Variants in FRYL observed in about 807,000 individuals in gnomAD.
FRYL encodes the protein FRY like transcription coactivator.
In FRYL, 150 loss-of-function variants were observed where a neutral mutation model predicts 351.2. The ratio of observed to expected loss-of-function variants is 0.43; its 90% CI spans 0.37 to 0.49. FRYL has a LOEUF of 0.49. FRYL is among the 20% of genes least tolerant of loss of function. The pLI, the probability that FRYL is intolerant of heterozygous loss-of-function variation, is 0.00. For synonymous variants in FRYL, 1,153 were observed against 1,257.1 expected, an observed-to-expected ratio of 0.92 and a Z score of 1.75; for missense variants, 3,036 against 3,619.3, an observed-to-expected ratio of 0.84 and a Z score of 4.13.
intron 31 of FRYL, among the ~76,000 whole-genome samples, chr4:48,563,535 C>T (rs185273654): frequency 1.3e-4 from 19 of 151,964 alleles, no homozygotes; most frequent in African/African-American, 4.3e-4. Context: ...CGTAGTGAGA[C>T]CTCGTCGCTA....
chr4:48,507,267 C>T (rs1291194435), intron 59 of FRYL, among the ~76,000 whole-genome samples: 1 of 152,130 alleles, frequency 6.6e-6, no homozygotes, highest in Non-Finnish European at 1.5e-5. Context: ...GCACACTGGC[C>T]TGAGAGATAC....
chr4:48,499,914 T>C, intron 63 of FRYL, 116 bp downstream of exon 63: 2 of 835,922 alleles, frequency 2.4e-6, no homozygotes, highest in South Asian at 1.7e-5. Flanking sequence ...AAAATACTCA[T>C]GTTTTTCTTT....
intron 1 of FRYL, among the ~76,000 whole-genome samples, chr4:48,717,779 T>C (rs1769030460): frequency 1.3e-5 from 2 of 151,306 alleles, no homozygotes; most frequent in African/African-American, 2.4e-5. Context: ...TGGCCTCAAG[T>C]GTTCCTCCTC....
chr4:48,649,145 A>G (rs1757141560), intron 3 of FRYL, among the ~76,000 whole-genome samples: 1 of 152,246 alleles, frequency 6.6e-6, no homozygotes, highest in South Asian at 2.1e-4. Context: ...ATACTTCAAC[A>G]AATGGTATTA....
intron 11 of FRYL, among the ~76,000 whole-genome samples, chr4:48,605,123 C>T (rs1423383576): frequency 1.3e-5 from 2 of 152,084 alleles, no homozygotes; most frequent in African/African-American, 2.4e-5. Context: ...TGGGAGGAAA[C>T]GGGGGCTGTG....
chr4:48,534,450 C>G, intron 49 of FRYL, 95 bp downstream of exon 49: 4 of 933,086 alleles, frequency 4.3e-6, no homozygotes, highest in Non-Finnish European at 6.5e-6. Context: ...TGAACCACTT[C>G]CCCATTCTTC....
chr4:48,580,621 G>A (rs1740687063), intron 22 of FRYL: 1 of 394,234 alleles, frequency 2.5e-6, no homozygotes, highest in East Asian at 3.7e-5. Flanking sequence ...TCTTAGATTG[G>A]AAGGATGAGA....
intron 44 of FRYL, among the ~76,000 whole-genome samples, chr4:48,543,138 T>G (rs901580421): frequency 8.5e-5 from 13 of 152,342 alleles, no homozygotes; most frequent in Admixed American, 8.5e-4. Context: ...TATTTTCCTA[T>G]GCCTGAAATA....
At chr4:48,512,980 A>G (rs1429195101) in intron 56 of FRYL, among the ~76,000 whole-genome samples, 1 of 152,192 alleles carries the variant, frequency 6.6e-6, no homozygotes, top group East Asian at 1.9e-4. Flanking sequence ...TTCTATGAAT[A>G]ATACCGATTA....
intron 2 of FRYL, among the ~76,000 whole-genome samples, chr4:48,707,540 G>C (rs1237158365): frequency 6.6e-6 from 1 of 151,826 alleles, no homozygotes; most frequent in African/African-American, 2.4e-5. Context: ...TTCTGCATAT[G>C]TTTCTCATTT....
chr4:48,567,438 A>G lies in FRYL; in HGVS notation c.2997-18T>C. On this transcript the variant is annotated intron_variant, in intron 27 of 63. Transcript: ENST00000358350. This position sits in a 1 kb window ranked among gnomAD's most constrained non-coding sequence, Gnocchi z 4.2. The stretch of plus-strand genomic sequence containing the variant: ...CACTTGCACTGAAAATATTGAAGAA[A>G]ACAAAAGATGAAGTAAATGGGACTT... 6.4e-7 allele frequency: 1 copy of G among 1,564,964 alleles called. No homozygotes were observed. Among genetic ancestry groups the G allele is most frequent in the Non-Finnish European group, 8.6e-7 (1 of 1,159,040 alleles).
chr4:48,728,248 T>C (rs1259399995), intron 1 of FRYL, among the ~76,000 whole-genome samples: 1 of 151,862 alleles, frequency 6.6e-6, no homozygotes, highest in Non-Finnish European at 1.5e-5. Context: ...CTCTAATCAA[T>C]AAAGCAGATG....
chr4:48,500,762 A>G (rs1375007441), intron 62 of FRYL, among the ~76,000 whole-genome samples: 1 of 152,160 alleles, frequency 6.6e-6, no homozygotes, highest in African/African-American at 2.4e-5. Context: ...GTTTTTTAAC[A>G]TGTTTTTTCT....
At chr4:48,613,926 T>C (rs115676732) in intron 7 of FRYL, among the ~76,000 whole-genome samples, 3,901 of 142,848 alleles carry the variant, frequency 0.027, 65 homozygotes, top group Admixed American at 0.049. Flanking sequence ...ACTGTACTCC[T>C]GCATGGGTGA....
At chr4:48,621,126 CCT>C (rs1212708846) in intron 5 of FRYL, among the ~76,000 whole-genome samples, 3 of 152,154 alleles carry the variant, frequency 2.0e-5, no homozygotes, top group African/African-American at 7.2e-5. Flanking sequence ...TACTTTCTGC[CCT>C]GGCAACTCCT....
At chr4:48,739,439 T>C (rs1296650957) in intron 1 of FRYL, among the ~76,000 whole-genome samples, 1 of 138,588 alleles carries the variant, frequency 7.2e-6, no homozygotes, top group Non-Finnish European at 1.6e-5. Context: ...TCTTTGAAAA[T>C]GGAGCAAAGG....
rs568487003 is a variant in FRYL at position 48,656,434 on chromosome 4, ATG to A, written c.-80-21946_-80-21945del. On this transcript the variant is annotated intron_variant, in intron 3 of 63. Coordinates refer to ENST00000358350, the MANE Select transcript of FRYL (RefSeq NM_015030.2). The stretch of plus-strand genomic sequence containing the variant: ...TATAATGTATATATAATGTATAATC[ATG>A]TGTGTATAATGTACATATAATCATG... 1.6e-3 allele frequency among the ~76,000 whole-genome samples: 72 copies of A among 44,580 alleles called. 1 individual carries two copies. The highest frequency in any genetic ancestry group is 9.5e-3 in the East Asian group (9 of 946). The allele number at this position is 44,580 out of a possible 152,430, so 29.2% of individuals were successfully genotyped here.
At chr4:48,576,288 A>G in intron 23 of FRYL, 66 bp from the exon 24 acceptor site, 2 of 1,243,324 alleles carry the variant, frequency 1.6e-6, no homozygotes, top group South Asian at 3.4e-5. Flanking sequence ...AGTTTATTTT[A>G]ACTAATGCTA....
intron 2 of FRYL, among the ~76,000 whole-genome samples, chr4:48,700,828 A>C (rs900267181): frequency 1.2e-4 from 19 of 152,036 alleles, no homozygotes; most frequent in African/African-American, 4.3e-4. Flanking sequence ...AAAAAAAAAA[A>C]AACTTTCATC....
Sources: gnomAD v4.1 joint callset for allele counts (sites outside exome capture counted in the v4.1 genomes callset) on GRCh38, gnomAD v4.1.1 for gene constraint, Gnocchi (gnomAD v3.1) non-coding constraint, MANE v1.5 for transcripts, NCBI Gene and HGNC (gene_info 2026-07-23, HGNC 2026-07-21) for gene names.